The following COL20A1 variants were observed in gnomAD, a reference collection of about 807,000 sequenced individuals.
COL20A1 encodes collagen alpha-1(XX) chain.
COL20A1 carries 164 observed loss-of-function variants against 152.9 expected under a neutral mutation model. The ratio of observed to expected loss-of-function variants is 1.07; its 90% CI spans 0.94 to 1.22. COL20A1 has a LOEUF of 1.22. Among genes scored for constraint, COL20A1 ranks in the 50% most tolerant of loss-of-function variants. The pLI is 0.00. For missense variants in COL20A1, 1,873 were observed against 1,744.8 expected (o/e 1.07, Z -1.31); for synonymous variants, 864 against 756.0 (o/e 1.14, Z -2.34).
intron 3 of COL20A1, among the ~76,000 whole-genome samples, chr20:63,301,825 G>A (rs1471957693): frequency 4.6e-5 from 7 of 152,042 alleles, no homozygotes; most frequent in Admixed American, 4.6e-4. Context: ...GCATATAATT[G>A]GGTATTGTTT....
intron 3 of COL20A1, among the ~76,000 whole-genome samples, chr20:63,298,672 G>A (rs1203072608): frequency 1.3e-5 from 2 of 152,238 alleles, no homozygotes; most frequent in Non-Finnish European, 2.9e-5. Flanking sequence ...TCCGCACAGC[G>A]AACCCCAGAA....
rs373120786 is a variant in COL20A1, at chr20:63,308,700, G to T, written c.934G>T (p.Ala312Ser). The change falls in exon 8 of 36, where the codon GCT (alanine) becomes TCT (serine). Residue 312 changes from alanine to serine, a missense_variant. Coordinates refer to ENST00000358894, the MANE Select transcript of COL20A1 (RefSeq NM_020882.4). Reference protein sequence around the residue: ...VLKDLGVNVFAVGVKNADEAE... With the variant: ...VLKDLGVNVFSVGVKNADEAE... ...CAAGGACCTGGGCGTGAACGTCTTC[G>T]CTGTGGGTGAGCACCATGCGGCTCC... 1 of 1,601,368 alleles carries T rather than the reference G, an allele frequency of 6.2e-7. No homozygotes were observed. Among genetic ancestry groups the T allele is most frequent in the Non-Finnish European group, 8.5e-7 (1 of 1,174,140 alleles).
intron 29 of COL20A1, 60 bp downstream of exon 29, chr20:63,325,781 G>C (rs888617899): frequency 1.3e-6 from 2 of 1,489,620 alleles, no homozygotes; most frequent in Non-Finnish European, 1.9e-6. Context: ...TGGGGACGGG[G>C]GGCCTTGGAG....
intron 20 of COL20A1, 137 bp downstream of exon 20, chr20:63,315,576 A>C: frequency 1.3e-6 from 1 of 760,918 alleles, no homozygotes; most frequent in Non-Finnish European, 2.1e-6. Context: ...TTGTGCCTCC[A>C]CAGACGTCCC....
chr20:63,313,284 G>A lies in COL20A1; in HGVS notation c.2209+35G>A. Reference sequence around the variant, plus strand: ...CCTCCACTTCCCCTCTGCTGGGTGTGGGGCAGGGATGGCCCAGGGGATCCC... The same window carrying A: ...CCTCCACTTCCCCTCTGCTGGGTGTAGGGCAGGGATGGCCCAGGGGATCCC... On this transcript the variant is annotated intron_variant, in intron 17 of 35. Coordinates refer to ENST00000358894, the MANE Select transcript of COL20A1 (RefSeq NM_020882.4). The surrounding 1 kb of genome is among the most constrained non-coding windows in gnomAD (Gnocchi z 5.9). The A allele has an allele frequency of 1.3e-6, 2 of 1,586,118 alleles. No individual in the cohort carries two copies. Among genetic ancestry groups the A allele is most frequent in the Non-Finnish European group, 1.7e-6 (2 of 1,163,248 alleles).
Position 63,322,045 on chromosome 20 carries a change from T to C in COL20A1, c.3241-13T>C. 1 of 1,511,424 alleles carries C rather than the reference T, an allele frequency of 6.6e-7. No individual in the cohort carries two copies. The highest frequency in any genetic ancestry group is 8.8e-7 in the Non-Finnish European group (1 of 1,131,480). 93.6% of individuals were successfully genotyped at this position (1,511,424 alleles called of 1,614,324 possible). The stretch of plus-strand genomic sequence containing the variant: ...GTAGTTCTGGGGGCTTAGCCCTGTT[T>C]GTGCCTCTGCAGGGCCTCCCTGGGA... On this transcript the variant is annotated splice_polypyrimidine_tract_variant and intron_variant, in intron 26 of 35. Coordinates refer to ENST00000358894, the MANE Select transcript of COL20A1 (RefSeq NM_020882.4).
intron 20 of COL20A1, 76 bp from the exon 21 acceptor site, chr20:63,316,477 C>A: frequency 7.4e-7 from 1 of 1,344,546 alleles, no homozygotes. Context: ...TCTTGAGTCC[C>A]CGCTCCTGCC....
intron 21 of COL20A1, among the ~76,000 whole-genome samples, chr20:63,318,272 A>C (rs991022375): frequency 6.6e-6 from 1 of 152,164 alleles, no homozygotes; most frequent in African/African-American, 2.4e-5. Context: ...CTGAGGTGGC[A>C]TCACAGGTGC....
intron 25 of COL20A1, 95 bp from the exon 26 acceptor site, chr20:63,320,918 C>G (rs2068153709): frequency 1.0e-6 from 1 of 964,088 alleles, no homozygotes; most frequent in African/African-American, 1.7e-5. Context: ...GGAAGTCTCC[C>G]TGGAGCCCAG....
At chr20:63,307,362 A>T in intron 5 of COL20A1, 128 bp from the exon 6 acceptor site, 1 of 833,620 alleles carries the variant, frequency 1.2e-6, no homozygotes, top group Non-Finnish European at 1.8e-6. Flanking sequence ...AGGGCCTTGG[A>T]GTCCTTTCCC....
intron 20 of COL20A1, 118 bp from the exon 21 acceptor site, chr20:63,316,435 T>G: frequency 2.2e-5 from 2 of 89,134 alleles, no homozygotes; most frequent in Non-Finnish European, 2.1e-5. Flanking sequence ...CCGTCACCCC[T>G]CCCTCCCACC....
rs903081673 is a variant in COL20A1, at chr20:63,309,236, T to A, written c.941-97T>A. ...GGGCCGAGTACAGCCCATAGGCCTC[T>A]TTACTCCTGACCCAGTCTCCATGGA... On this transcript the variant is annotated intron_variant, in intron 8 of 35. Coordinates refer to ENST00000358894, the MANE Select transcript of COL20A1 (RefSeq NM_020882.4). The A allele has an allele frequency of 9.0e-5, 94 of 1,040,660 alleles. 1 individual carries two copies. In the South Asian group the frequency reaches 9.9e-4, roughly 11 times the overall value. The allele number at this position is 1,040,660 out of a possible 1,614,324, so 64.5% of individuals were successfully genotyped here.
At position 63,328,402 on chromosome 20, in the gene COL20A1, G is replaced by C. The variant is rs1437978686; in HGVS notation, c.3685G>C (p.Glu1229Gln). 6.2e-7 allele frequency: 1 copy of C among 1,612,650 alleles called. No individual in the cohort carries two copies. Among genetic ancestry groups the C allele is most frequent in the East Asian group, 2.2e-5 (1 of 44,870 alleles). ...CATGCCCATCTTGGAGCAGAAGCTG[G>C]AGCCGGGCACTGAGCCCCTGGGGTC... ...PPMPILEQKL[E>Q]PGTEPLGSPG... The change falls in exon 34 of 36, where the codon GAG becomes CAG. Residue 1229 changes from glutamate to glutamine, a missense_variant. Glu to Gln is a conservative substitution (Grantham distance 29). Transcript: ENST00000358894.
At chr20:63,312,311 G>C (rs985017249) in intron 14 of COL20A1, 109 bp from the exon 15 acceptor site, 6 of 1,287,944 alleles carry the variant, frequency 4.7e-6, no homozygotes, top group East Asian at 5.3e-5. Context: ...CCCCGTTTCT[G>C]GGGGGTCGTG....
In COL20A1 at chr20:63,311,789, C is replaced by T. The variant is rs1394830937; in HGVS notation, c.1663+41C>T. ...CCGGCTGCCTGCCCACAGGCGGGTG[C>T]CCCATCTTGTTCCTCAGCCTTCCAT... On this transcript the variant is annotated intron_variant, in intron 13 of 35. Coordinates refer to ENST00000358894, the MANE Select transcript of COL20A1 (RefSeq NM_020882.4). This position sits in a 1 kb window ranked among gnomAD's most constrained non-coding sequence, Gnocchi z 4.4. 1 of 1,555,228 alleles carries T rather than the reference C, an allele frequency of 6.4e-7. No homozygotes were observed. Among genetic ancestry groups the T allele is most frequent in the Non-Finnish European group, 8.6e-7 (1 of 1,156,846 alleles).
At chr20:63,321,777 G>A (rs951140882) in intron 26 of COL20A1, among the ~76,000 whole-genome samples, 2 of 152,190 alleles carry the variant, frequency 1.3e-5, no homozygotes, top group Non-Finnish European at 2.9e-5. Context: ...CTGGCTCTGG[G>A]ACCGGTCAAG....
At chr20:63,325,185 G>A in intron 27 of COL20A1, 1 of 653,776 alleles carries the variant, frequency 1.5e-6, no homozygotes, top group Non-Finnish European at 2.8e-6. Flanking sequence ...AGAGGGCTGG[G>A]AGGGCTGGCT....
At position 63,331,336 on chromosome 20, in the gene COL20A1, C is replaced by G. The variant is rs1178917526; in HGVS notation, c.*620C>G. The G allele has an allele frequency of 6.6e-6, 1 of 152,362 alleles. No homozygotes were observed. Among genetic ancestry groups the G allele is most frequent in the Non-Finnish European group, 1.5e-5 (1 of 68,126 alleles). 9.4% of individuals were successfully genotyped at this position (152,362 alleles called of 1,614,324 possible). A position where few individuals can be genotyped will look rare whatever the true frequency, so the allele number is the denominator to read the frequency against. ...CTGCCTGCCTCATCGTCCCCTCTGT[C>G]CCCAGCCCAAGAAGGAGTTCAGATC... is the stretch of plus-strand genomic sequence containing the variant. On this transcript the variant is annotated 3_prime_UTR_variant, in exon 36 of 36. Coordinates refer to ENST00000358894, the MANE Select transcript of COL20A1 (RefSeq NM_020882.4).
At chr20:63,310,810 G>A (rs754757574) in intron 11 of COL20A1, among the ~76,000 whole-genome samples, 2 of 152,058 alleles carry the variant, frequency 1.3e-5, no homozygotes, top group African/African-American at 2.4e-5. Context: ...CCTCCAGCAC[G>A]TGGCTTAGCT....
Sources: gnomAD v4.1 joint callset for allele counts (sites outside exome capture counted in the v4.1 genomes callset) on GRCh38, gnomAD v4.1.1 for gene constraint, Gnocchi (gnomAD v3.1) non-coding constraint, MANE v1.5 for transcripts, NCBI Gene and HGNC (gene_info 2026-07-23, HGNC 2026-07-21) for gene names.